The following CTC1 variants were observed in gnomAD, a reference collection of about 807,000 sequenced individuals.
CTC1 encodes CST complex subunit CTC1.
CTC1 carries 91 observed loss-of-function variants against 136.3 expected under a neutral mutation model. The observed-to-expected ratio is 0.67, with a 90% CI of 0.56 to 0.79. CTC1 has a LOEUF of 0.79. Ranked by LOEUF, CTC1 falls within the 30% of genes least tolerant of loss-of-function variation. CTC1 has a pLI of 0.00. For synonymous variants in CTC1, 606 were observed against 613.8 expected, an observed-to-expected ratio of 0.99 and a Z score of 0.19; for missense variants, 1,432 against 1,498.1, an observed-to-expected ratio of 0.96 and a Z score of 0.73.
intron 10 of CTC1, among the ~76,000 whole-genome samples, chr17:8,233,888 G>C (rs1987456625): frequency 1.3e-5 from 2 of 152,230 alleles, no homozygotes; most frequent in Admixed American, 6.5e-5. Flanking sequence ...AATGAGCCAT[G>C]ATCGCGCCAA....
intron 1 of CTC1, among the ~76,000 whole-genome samples, chr17:8,244,026 G>A (rs150888697): frequency 2.0e-5 from 3 of 152,246 alleles, no homozygotes; most frequent in East Asian, 3.9e-4. Context: ...CCCAGATGGC[G>A]CCACTGCACT....
At position 8,228,804 on chromosome 17, in the gene CTC1, A is replaced by T; in HGVS notation, c.3310T>A (p.Trp1104Arg). The T allele has an allele frequency of 1.9e-6, 3 of 1,613,948 alleles. No homozygotes were observed. The highest frequency in any genetic ancestry group is 2.5e-6 in the Non-Finnish European group (3 of 1,179,964). The change falls in exon 21 of 23, where the codon TGG becomes AGG. Residue 1104 changes from tryptophan to arginine, a missense_variant. By Grantham distance (101) the Trp-to-Arg change is moderately radical (BLOSUM62 -3). Transcript: ENST00000651323. ...AAALGLCPRE[W>R]ASLLDFVQVP... ...TGGACGAAATCTAGGAGGGAGGCCC[A>T]CTCTCTAGGACACAGCCCTAGTGCT... is the stretch of plus-strand genomic sequence containing the variant.
chr17:8,235,462 T>C (rs1242631298), intron 7 of CTC1, 177 bp from the exon 8 acceptor site: 13 of 612,050 alleles, frequency 2.1e-5, no homozygotes, highest in Non-Finnish European at 3.7e-5. Flanking sequence ...TCAGCCTTCA[T>C]CTCCCATGAG....
chr17:8,248,010 A>G lies in CTC1; in HGVS notation c.27T>C (p.Pro9=), dbSNP rs2151564261. MAAGRAQV[P]SSEQAWLEDA... Reference sequence around the variant, plus strand: ...ACGTAATAGCAGCACTCACGGAGGAAGGGACCTGGGCCCGGCCAGCCGCCA... The same window carrying G: ...ACGTAATAGCAGCACTCACGGAGGAGGGGACCTGGGCCCGGCCAGCCGCCA... The change falls in exon 1 of 23, where the codon CCT becomes CCC. Residue 9 remains proline (P), a synonymous_variant. Coordinates refer to ENST00000651323, the MANE Select transcript of CTC1 (RefSeq NM_025099.6). 7.0e-7 allele frequency: 1 copy of G among 1,434,890 alleles called. No homozygotes were observed. Among genetic ancestry groups the G allele is most frequent in the Non-Finnish European group, 9.4e-7 (1 of 1,069,068 alleles). The allele number at this position is 1,434,890 out of a possible 1,614,324, so 88.9% of individuals were successfully genotyped here.
Position 8,230,552 on chromosome 17 carries a change from A to T in CTC1, c.2758+11T>A. 1 of 1,614,060 alleles carries T rather than the reference A, an allele frequency of 6.2e-7. No homozygotes were observed. Among genetic ancestry groups the T allele is most frequent in the African/African-American group, 1.3e-5 (1 of 75,060 alleles). On this transcript the variant is annotated intron_variant, in intron 16 of 22. Transcript: ENST00000651323. ...TATTTCATACCTTCCCCACAAAGGAAGGGTCATTACCCAGTTTCATCCAGA... is the reference window on the plus strand; with the variant it reads ...TATTTCATACCTTCCCCACAAAGGATGGGTCATTACCCAGTTTCATCCAGA...
In CTC1 at chr17:8,234,802, G is replaced by T. The variant is rs199698527; in HGVS notation, c.1564C>A (p.Arg522=). Residue 522 remains arginine, a synonymous_variant, in exon 9 of 23, where the codon CGG becomes AGG. Coordinates refer to ENST00000651323, the MANE Select transcript of CTC1 (RefSeq NM_025099.6). ...TCAAGGATCTCATTGTGTGCATTCCGAACAGGGCTGCCTGGCGGAGCTAGA... is the reference window on the plus strand; with the variant it reads ...TCAAGGATCTCATTGTGTGCATTCCTAACAGGGCTGCCTGGCGGAGCTAGA... ...DLLAPPGSPV[R]NAHNEILEEP... 2.5e-6 allele frequency: 4 copies of T among 1,611,874 alleles called. No individual in the cohort carries two copies. The highest frequency in any genetic ancestry group is 2.7e-5 in the African/African-American group (2 of 74,826).
chr17:8,228,297 G>C lies in CTC1; in HGVS notation c.3537C>G (p.Phe1179Leu). 6.2e-7 allele frequency: 1 copy of C among 1,614,132 alleles called. No homozygotes were observed. The highest frequency in any genetic ancestry group is 1.1e-5 in the South Asian group (1 of 91,080). The change falls in exon 23 of 23, where the codon TTC (phenylalanine) becomes TTG (leucine). Residue 1179 changes from phenylalanine to leucine, a missense_variant. Physicochemically the swap from Phe to Leu is conservative, Grantham distance 22. Transcript: ENST00000651323. ...VPLEPPRLQR[F>L]QCGELPFLTH... Reference sequence around the variant, plus strand: ...TCAGGAAAGGGAGCTCTCCACACTGGAATCGCTGTAGCCGAGGAGGTTCTG... The same window carrying C: ...TCAGGAAAGGGAGCTCTCCACACTGCAATCGCTGTAGCCGAGGAGGTTCTG...
intron 2 of CTC1, among the ~76,000 whole-genome samples, chr17:8,240,543 A>G (rs1988128518): frequency 6.6e-6 from 1 of 152,036 alleles, no homozygotes; most frequent in African/African-American, 2.4e-5. Context: ...AAAATGATAA[A>G]AAGGAAAAAA....
At position 8,224,858 on chromosome 17, in the gene CTC1, G is replaced by A. The variant is rs577802515; in HGVS notation, c.*3322C>T. ...TATTTTATTTCATTTTTTTGAGACG[G>A]AGTTTCACTCTTGTTGCCCAGGCTG... On this transcript the variant is annotated 3_prime_UTR_variant, in exon 23 of 23. Transcript: ENST00000651323. 1.3e-5 allele frequency: 2 copies of A among 152,164 alleles called. No individual in the cohort carries two copies. The highest frequency in any genetic ancestry group is 4.1e-4 in the South Asian group (2 of 4,838). The allele number at this position is 152,164 out of a possible 1,614,324, so 9.4% of individuals were successfully genotyped here.
intron 17 of CTC1, 113 bp downstream of exon 17, chr17:8,230,181 A>G: frequency 8.5e-7 from 1 of 1,170,770 alleles, no homozygotes; most frequent in Non-Finnish European, 1.2e-6. Flanking sequence ...AGACTGATAT[A>G]TGGAAACCTG....
chr17:8,247,946 A>C lies in CTC1; in HGVS notation c.33+58T>G, dbSNP rs971133486. The C allele has an allele frequency of 2.6e-6, 4 of 1,550,126 alleles. No homozygotes were observed. In the South Asian group the frequency reaches 3.5e-5, roughly 13 times the overall value. ...GACAAGGCAGAGGAAATAGGAAGAG[A>C]AAGAGTATCTGTGACAAACAAGAAA... On this transcript the variant is annotated intron_variant, in intron 1 of 22. Transcript: ENST00000651323.
At position 8,226,664 on chromosome 17, in the gene CTC1, A is replaced by G. The variant is rs1395843589; in HGVS notation, c.*1516T>C. The G allele has an allele frequency of 6.6e-6, 1 of 152,238 alleles. No individual in the cohort carries two copies. Among genetic ancestry groups the G allele is most frequent in the Non-Finnish European group, 1.5e-5 (1 of 68,050 alleles). 9.4% of individuals were successfully genotyped at this position (152,238 alleles called of 1,614,324 possible). ...GGAGACCCCAATGGATTTCTAGTCCATCGCCTTAACCACTCGGCCACGACT... is the reference window on the plus strand; with the variant it reads ...GGAGACCCCAATGGATTTCTAGTCCGTCGCCTTAACCACTCGGCCACGACT... On this transcript the variant is annotated 3_prime_UTR_variant, in exon 23 of 23. Coordinates refer to ENST00000651323, the MANE Select transcript of CTC1 (RefSeq NM_025099.6).
At position 8,225,986 on chromosome 17, in the gene CTC1, C is replaced by T. The variant is rs1373339403; in HGVS notation, c.*2194G>A. The T allele has an allele frequency of 6.6e-6, 1 of 152,064 alleles. No individual in the cohort carries two copies. 9.4% of individuals were successfully genotyped at this position (152,064 alleles called of 1,614,324 possible). ...CATCGAGGGTGGGGCGGCCGCCTGACCCAGTCCACCTGCACCAGTGGGGTG... is the reference window on the plus strand; with the variant it reads ...CATCGAGGGTGGGGCGGCCGCCTGATCCAGTCCACCTGCACCAGTGGGGTG... On this transcript the variant is annotated 3_prime_UTR_variant, in exon 23 of 23. Transcript: ENST00000651323.
In CTC1 at chr17:8,232,954, G is replaced by T; in HGVS notation, c.1897C>A (p.Leu633Met). 6.2e-7 allele frequency: 1 copy of T among 1,614,168 alleles called. No individual in the cohort carries two copies. Among genetic ancestry groups the T allele is most frequent in the Non-Finnish European group, 8.5e-7 (1 of 1,180,022 alleles). ...LRDQSGSLPC[L>M]LLAKHSQPLS... is the part of the protein sequence containing the mutation. ...GGTTGAGAGTGCTTGGCCAGGAGCA[G>T]GCAGGGCAGGGAACCACTTTGGTCC... The change falls in exon 11 of 23, where the codon CTG becomes ATG. Residue 633 changes from leucine to methionine, a missense_variant. Coordinates refer to ENST00000651323, the MANE Select transcript of CTC1 (RefSeq NM_025099.6).
rs755218326 is a variant in CTC1, at chr17:8,234,546, G to A, written c.1727C>T (p.Pro576Leu). 14 of 1,577,344 alleles carry A rather than the reference G, an allele frequency of 8.9e-6. No homozygotes were observed. The highest frequency in any genetic ancestry group is 6.7e-5 in the African/African-American group (5 of 74,280). The change falls in exon 10 of 23, where the codon CCG (proline) becomes CTG (leucine). Residue 576 changes from proline to leucine, a missense_variant. Physicochemically the swap from Pro to Leu is moderately conservative, Grantham distance 98. Transcript: ENST00000651323. The stretch of plus-strand genomic sequence containing the variant: ...GCAGCTGGGCAGGTAGGAGGCCTCC[G>A]GGAGGGGCAGAAGGGCCTTAGGGTC... Reference protein sequence around the residue: ...SFDPKALLPLPEASYLPSCQL... With the variant: ...SFDPKALLPLLEASYLPSCQL...
At chr17:8,246,145 T>G (rs1193253498) in intron 1 of CTC1, among the ~76,000 whole-genome samples, 2 of 141,502 alleles carry the variant, frequency 1.4e-5, no homozygotes, top group Non-Finnish European at 3.0e-5. Context: ...AGGTTGAGGC[T>G]GCAGTGAGCC....
At position 8,235,971 on chromosome 17, in the gene CTC1, C is replaced by A; in HGVS notation, c.1078-12G>T. 1 of 1,601,674 alleles carries A rather than the reference C, an allele frequency of 6.2e-7. No homozygotes were observed. The highest frequency in any genetic ancestry group is 8.5e-7 in the Non-Finnish European group (1 of 1,170,320). On this transcript the variant is annotated splice_polypyrimidine_tract_variant and intron_variant, in intron 6 of 22. Transcript: ENST00000651323. Reference sequence around the variant, plus strand: ...CCAGTGACTGCTCCCTGCAAACAGGCCGAGGTCCAGTTGACCACTATTTTC... The same window carrying A: ...CCAGTGACTGCTCCCTGCAAACAGGACGAGGTCCAGTTGACCACTATTTTC...
chr17:8,234,467 G>T lies in CTC1; in HGVS notation c.1806C>A (p.Phe602Leu). Residue 602 changes from phenylalanine (F) to leucine (L), a missense_variant, in exon 10 of 23, where the codon TTC becomes TTA. Transcript: ENST00000651323. ...WSWLCLLPSA[F>L]CPAQVLLGVL... Reference sequence around the variant, plus strand: ...GGGTCCCCCTTACCTGGGCTGGGCAGAAGGCAGAGGGCAGCAGACAGAGCC... The same window carrying T: ...GGGTCCCCCTTACCTGGGCTGGGCATAAGGCAGAGGGCAGCAGACAGAGCC... 1 of 1,552,138 alleles carries T rather than the reference G, an allele frequency of 6.4e-7. No individual in the cohort carries two copies.
Position 8,246,206 on chromosome 17 carries a change from CAAAAA to C in CTC1, c.33+1793_33+1797del, listed in dbSNP as rs57484918. Among the ~76,000 whole-genome samples the C allele has an allele frequency of 2.7e-3, 236 of 87,306 alleles. 2 individuals carry two copies. The highest frequency in any genetic ancestry group is 5.7e-3 in the African/African-American group (124 of 21,592). 57.3% of individuals were successfully genotyped at this position (87,306 alleles called of 152,430 possible). On this transcript the variant is annotated intron_variant, in intron 1 of 22. Transcript: ENST00000651323. Reference sequence around the variant, plus strand: ...TGGGTGACAGAGTAAGACCTTGTTTCAAAAAAAAAAAAAAAAAAAAAAAGGAGGGA... The same window carrying C: ...TGGGTGACAGAGTAAGACCTTGTTTCAAAAAAAAAAAAAAAAAAGGAGGGA...
Sources: gnomAD v4.1 joint callset for allele counts (sites outside exome capture counted in the v4.1 genomes callset) on GRCh38, gnomAD v4.1.1 for gene constraint, MANE v1.5 for transcripts, NCBI Gene and HGNC (gene_info 2026-07-23, HGNC 2026-07-21) for gene names.